The following LRRFIP1 variants were observed in gnomAD, a reference collection of about 807,000 sequenced individuals.
LRRFIP1 encodes LRR binding FLII interacting protein 1.
LRRFIP1 carries 62 observed loss-of-function variants against 104.4 expected under a neutral mutation model. That is an observed-to-expected ratio of 0.59 (90% CI 0.48 to 0.73). The LOEUF (loss-of-function observed/expected upper bound fraction) is 0.73. Among genes scored for constraint, LRRFIP1 ranks in the 30% least tolerant of loss-of-function variants. The pLI is 0.00. For missense variants in LRRFIP1, 796 were observed against 824.5 expected, an observed-to-expected ratio of 0.97 and a Z score of 0.42; for synonymous variants, 300 against 299.0, an observed-to-expected ratio of 1.00 and a Z score of -0.03.
Position 237,756,033 on chromosome 2 carries a change from C to T in LRRFIP1, c.1039-62C>T, listed in dbSNP as rs988069588. ...CACAGAAACTATAAATCGTGAGAGC[C>T]TGAACTGGCATGCCAGAAACATGGG... On this transcript the variant is annotated intron_variant, in intron 15 of 23. Transcript: ENST00000308482. 64 of 1,099,944 alleles carry T rather than the reference C, an allele frequency of 5.8e-5. 1 individual carries two copies. In the East Asian group the frequency reaches 1.5e-3, roughly 27 times the overall value. The allele number at this position is 1,099,944 out of a possible 1,614,324, so 68.1% of individuals were successfully genotyped here.
chr2:237,627,760 A>AGCCGGGGGGC lies in LRRFIP1; in HGVS notation c.96+27_96+36dup, dbSNP rs1359325335. ...CGGGAGGTGAGCGCTCCGGGAGGGC[A>AGCCGGGGGGC]GCCGGGGGGCGCCGGGCGGGCGCGG... is the stretch of plus-strand genomic sequence containing the variant. On this transcript the variant is annotated intron_variant, in intron 1 of 23. Transcript: ENST00000308482. The AGCCGGGGGGC allele has an allele frequency of 8.2e-7, 1 of 1,221,254 alleles. No homozygotes were observed. Among genetic ancestry groups the AGCCGGGGGGC allele is most frequent in the Admixed American group, 4.3e-5 (1 of 23,168 alleles). 75.7% of individuals were successfully genotyped at this position (1,221,254 alleles called of 1,614,324 possible).
intron 22 of LRRFIP1, 80 bp downstream of exon 22, chr2:237,773,025 C>G (rs1245740528): frequency 8.7e-7 from 1 of 1,152,694 alleles, no homozygotes; most frequent in Non-Finnish European, 1.3e-6. Flanking sequence ...AGGCTGAGGA[C>G]CAGAAAAAGC....
chr2:237,743,785 G>A (rs1274216931), intron 11 of LRRFIP1, among the ~76,000 whole-genome samples: 1 of 152,146 alleles, frequency 6.6e-6, no homozygotes, highest in Non-Finnish European at 1.5e-5. Flanking sequence ...GGTGCCTCGA[G>A]AGAGCTGGGA....
At chr2:237,652,730 A>G (rs140769003) in intron 1 of LRRFIP1, among the ~76,000 whole-genome samples, 1 of 152,338 alleles carries the variant, frequency 6.6e-6, no homozygotes, top group East Asian at 1.9e-4. Flanking sequence ...TCACACCTGT[A>G]ATCCCAGCAT....
At chr2:237,749,160 G>A (rs747344269) in intron 12 of LRRFIP1, 39 bp from the exon 13 acceptor site, 10 of 1,604,484 alleles carry the variant, frequency 6.2e-6, no homozygotes, top group African/African-American at 1.3e-5. Context: ...GGGACACAGA[G>A]CTAAACCATA....
chr2:237,646,009 C>A (rs1380600842), intron 1 of LRRFIP1, among the ~76,000 whole-genome samples: 2 of 151,896 alleles, frequency 1.3e-5, no homozygotes, highest in Non-Finnish European at 2.9e-5. Context: ...CGTGGGGACT[C>A]TGGATAACAA....
At chr2:237,692,562 G>T (rs751757345) in intron 1 of LRRFIP1, 1 of 1,481,888 alleles carries the variant, frequency 6.7e-7, no homozygotes. Context: ...TCGTGACTGC[G>T]GCGGGGTTTC....
At position 237,748,407 on chromosome 2, in the gene LRRFIP1, ATCGT is replaced by A; in HGVS notation, c.669+11_669+14del. On this transcript the variant is annotated intron_variant, in intron 12 of 23. Coordinates refer to ENST00000308482, the MANE Select transcript of LRRFIP1 (RefSeq NM_001137550.2). ...AAAGATTTTACTGAGAAGGTAAGGA[ATCGT>A]TCATAAACCTAGAGGGTCCCAAAAG... 3.1e-6 allele frequency: 5 copies of A among 1,602,310 alleles called. No individual in the cohort carries two copies. Among genetic ancestry groups the A allele is most frequent in the Non-Finnish European group, 3.4e-6 (4 of 1,176,232 alleles).
At chr2:237,741,562 T>C (rs1434953709) in intron 11 of LRRFIP1, among the ~76,000 whole-genome samples, 14 of 152,196 alleles carry the variant, frequency 9.2e-5, no homozygotes, top group Admixed American at 9.2e-4. Context: ...GCGCGGTGGC[T>C]CACACCTGTA....
At chr2:237,657,620 C>T (rs560849310) in intron 1 of LRRFIP1, among the ~76,000 whole-genome samples, 9 of 152,124 alleles carry the variant, frequency 5.9e-5, no homozygotes, top group Middle Eastern at 3.4e-3. Context: ...GGAAAGAAAG[C>T]GTGACAGAAT....
chr2:237,778,329 AC>A (rs1359446325), intron 23 of LRRFIP1, among the ~76,000 whole-genome samples: 1 of 152,130 alleles, frequency 6.6e-6, no homozygotes, highest in East Asian at 1.9e-4. Flanking sequence ...AGAGCCATAG[AC>A]CCTGTTCTTG....
chr2:237,763,032 C>G (rs1401650177), intron 19 of LRRFIP1: 4 of 1,613,994 alleles, frequency 2.5e-6, no homozygotes, highest in Non-Finnish European at 3.4e-6. Context: ...ACAGTGGCCT[C>G]GTGTCCTTTA....
intron 22 of LRRFIP1, 62 bp downstream of exon 22, chr2:237,773,007 G>A (rs1403684733): frequency 7.2e-7 from 1 of 1,384,184 alleles, no homozygotes; most frequent in Non-Finnish European, 1.0e-6. Context: ...GCTAGAAATA[G>A]CCCTGAAAGG....
intron 23 of LRRFIP1, among the ~76,000 whole-genome samples, chr2:237,776,765 T>C (rs1412544740): frequency 6.6e-6 from 1 of 152,216 alleles, no homozygotes; most frequent in Admixed American, 6.5e-5. Context: ...TCCCTTGGCT[T>C]CCAGTCTTCC....
chr2:237,764,229 A>C (rs2060125600), intron 19 of LRRFIP1: 3 of 1,612,006 alleles, frequency 1.9e-6, no homozygotes, highest in Non-Finnish European at 2.5e-6. Context: ...GAATGTTCTA[A>C]ATTCATAGAG....
intron 6 of LRRFIP1, chr2:237,721,070 A>G (rs2150180693): frequency 1.3e-5 from 6 of 452,714 alleles, no homozygotes; most frequent in East Asian, 3.6e-5. Flanking sequence ...TTTTTTCAAT[A>G]CTTATCCACA....
intron 7 of LRRFIP1, among the ~76,000 whole-genome samples, chr2:237,724,570 T>C (rs907167616): frequency 6.6e-6 from 1 of 152,200 alleles, no homozygotes; most frequent in Non-Finnish European, 1.5e-5. Flanking sequence ...GAAAGCGCTC[T>C]TCACAGAGTA....
intron 16 of LRRFIP1, among the ~76,000 whole-genome samples, chr2:237,756,814 T>C (rs1310582787): frequency 6.6e-6 from 1 of 152,178 alleles, no homozygotes; most frequent in Non-Finnish European, 1.5e-5. Flanking sequence ...ATATGATGCC[T>C]TACATGGTTA....
chr2:237,631,977 TC>T (rs1227788374), intron 1 of LRRFIP1, among the ~76,000 whole-genome samples: 1 of 152,178 alleles, frequency 6.6e-6, no homozygotes, highest in African/African-American at 2.4e-5. Context: ...CGGGCCCTGA[TC>T]CATGGCAGGG....
Sources: gnomAD v4.1 joint callset for allele counts (sites outside exome capture counted in the v4.1 genomes callset) on GRCh38, gnomAD v4.1.1 for gene constraint, MANE v1.5 for transcripts, NCBI Gene and HGNC (gene_info 2026-07-23, HGNC 2026-07-21) for gene names.